Variants in LLGL1 observed in about 807,000 individuals in gnomAD.
LLGL1 encodes the protein LLGL scribble cell polarity complex component 1, also known as lethal(2) giant larvae protein homolog 1.
LLGL1 carries 58 observed loss-of-function variants against 110.6 expected under a neutral mutation model. That is an observed-to-expected ratio of 0.52 (90% CI 0.42 to 0.65). The LOEUF (loss-of-function observed/expected upper bound fraction) is 0.65. Ranked by LOEUF, LLGL1 falls within the 30% of genes least tolerant of loss-of-function variation. The probability of loss-of-function intolerance (pLI) is 0.00; values close to 1 mark genes in which losing one functional copy is unlikely to be tolerated. For missense variants in LLGL1, 1,229 were observed against 1,462.1 expected (o/e 0.84, Z 2.60); for synonymous variants, 674 against 607.2 (o/e 1.11, Z -1.62).
At position 18,240,731 on chromosome 17, in the gene LLGL1, G is replaced by A. The variant is rs1013140459; in HGVS notation, c.2360G>A (p.Arg787Gln). Residue 787 changes from arginine (R) to glutamine (Q), a missense_variant, in exon 17 of 23, where the codon CGG becomes CAG. Arg to Gln is a conservative substitution (Grantham distance 43). Coordinates refer to ENST00000316843, the MANE Select transcript of LLGL1 (RefSeq NM_004140.4). This position sits in a 1 kb window ranked among gnomAD's most constrained non-coding sequence, Gnocchi z 5.3. Reference protein sequence around the residue: ...VLGKEVQLMHRAPVVAIAVLD... With the variant: ...VLGKEVQLMHQAPVVAIAVLD... ...GGCAAGGAGGTGCAGCTGATGCACCGGGCGCCTGTGGTGGCCATTGCCGTG... is the reference window on the plus strand; with the variant it reads ...GGCAAGGAGGTGCAGCTGATGCACCAGGCGCCTGTGGTGGCCATTGCCGTG... The A allele has an allele frequency of 1.1e-5, 17 of 1,612,314 alleles. No homozygotes were observed. Among genetic ancestry groups the A allele is most frequent in the East Asian group, 4.5e-5 (2 of 44,846 alleles).
Position 18,244,774 on chromosome 17 carries a change from C to T in LLGL1, c.*868C>T, listed in dbSNP as rs572054617. On this transcript the variant is annotated 3_prime_UTR_variant, in exon 23 of 23. Coordinates refer to ENST00000316843, the MANE Select transcript of LLGL1 (RefSeq NM_004140.4). Reference sequence around the variant, plus strand: ...AAGATGAGTTTCCCTGTAGATTGTACCTTGGGGTTTTTTTCTGTCGTTTTG... The same window carrying T: ...AAGATGAGTTTCCCTGTAGATTGTATCTTGGGGTTTTTTTCTGTCGTTTTG... The T allele has an allele frequency of 9.5e-4, 176 of 185,822 alleles. No individual in the cohort carries two copies. Among genetic ancestry groups the T allele is most frequent in the Non-Finnish European group, 1.1e-3 (101 of 94,912 alleles). 11.5% of individuals were successfully genotyped at this position (185,822 alleles called of 1,614,324 possible).
rs529026034 is a variant in LLGL1, at chr17:18,239,476, C to T, written c.2206+867C>T. Among the ~76,000 whole-genome samples the T allele has an allele frequency of 1.6e-4, 24 of 152,242 alleles. No homozygotes were observed. In the South Asian group the frequency reaches 4.6e-3, roughly 29 times the overall value. The stretch of plus-strand genomic sequence containing the variant: ...GCCTGCCACCAGCCATGTGCCCCTG[C>T]GGATTCTGCCCCCCTCCTCCACATT... On this transcript the variant is annotated intron_variant, in intron 16 of 22. Coordinates refer to ENST00000316843, the MANE Select transcript of LLGL1 (RefSeq NM_004140.4).
intron 2 of LLGL1, among the ~76,000 whole-genome samples, chr17:18,232,086 C>A (rs1443618312): frequency 6.6e-6 from 1 of 152,236 alleles, no homozygotes; most frequent in Admixed American, 6.5e-5. Flanking sequence ...TGATCCCATC[C>A]GGCAAGGCGC....
chr17:18,242,465 G>A (rs766544962), intron 20 of LLGL1, 43 bp from the exon 21 acceptor site: 10 of 1,611,950 alleles, frequency 6.2e-6, no homozygotes, highest in South Asian at 2.2e-5. Flanking sequence ...GGTGCAGAGG[G>A]TGCTAAGGGT....
intron 16 of LLGL1, among the ~76,000 whole-genome samples, chr17:18,239,883 G>C (rs2047787806): frequency 6.6e-6 from 1 of 152,096 alleles, no homozygotes; most frequent in Non-Finnish European, 1.5e-5. Flanking sequence ...GGCATGTTTT[G>C]AGTTGTGCAG....
intron 2 of LLGL1, 95 bp downstream of exon 2, chr17:18,230,133 C>A: frequency 1.0e-6 from 1 of 959,662 alleles, no homozygotes; most frequent in Non-Finnish European, 1.6e-6. Context: ...GTGTCCAGCT[C>A]GAGAGGAGGA....
chr17:18,235,812 T>C, intron 11 of LLGL1: 1 of 487,464 alleles, frequency 2.1e-6, no homozygotes, highest in Non-Finnish European at 3.7e-6. Flanking sequence ...AAATCTGGGC[T>C]GGCCCACGCT....
Position 18,238,541 on chromosome 17 carries a change from G to A in LLGL1, c.2138G>A (p.Arg713His), listed in dbSNP as rs767095694. 27 of 1,612,840 alleles carry A rather than the reference G, an allele frequency of 1.7e-5. No individual in the cohort carries two copies. The highest frequency in any genetic ancestry group is 4.0e-5 in the African/African-American group (3 of 74,918). The change falls in exon 16 of 23, where the codon CGC (arginine) becomes CAC (histidine). Residue 713 changes from arginine to histidine, a missense_variant. Arg to His is a conservative substitution (Grantham distance 29). Coordinates refer to ENST00000316843, the MANE Select transcript of LLGL1 (RefSeq NM_004140.4). ...MTPVQRRIEP[R>H]SADDSLSGVV... ...CCCGTGCAGCGCCGCATTGAGCCCCGCTCTGCCGATGACTCCTTGTCGGGT... is the reference window on the plus strand; with the variant it reads ...CCCGTGCAGCGCCGCATTGAGCCCCACTCTGCCGATGACTCCTTGTCGGGT...
At chr17:18,239,891 C>T (rs751914333) in intron 16 of LLGL1, among the ~76,000 whole-genome samples, 37 of 152,074 alleles carry the variant, frequency 2.4e-4, no homozygotes, top group Non-Finnish European at 5.1e-4. Context: ...TTGAGTTGTG[C>T]AGACACTTAA....
At chr17:18,237,998 G>C in intron 14 of LLGL1, 69 bp from the exon 15 acceptor site, 1 of 1,564,880 alleles carries the variant, frequency 6.4e-7, no homozygotes, top group Middle Eastern at 1.7e-4. Context: ...GCCTCCACAG[G>C]CCAGCAGGAG....
chr17:18,237,857 G>A, intron 14 of LLGL1, 84 bp downstream of exon 14: 2 of 1,464,542 alleles, frequency 1.4e-6, no homozygotes, highest in African/African-American at 1.4e-5. Flanking sequence ...AGTGTTTGGT[G>A]TGGCAAAGGC....
rs73289904 is a variant in LLGL1 at position 18,240,187 on chromosome 17, G to T, written c.2207-391G>T. 1.9e-3 allele frequency among the ~76,000 whole-genome samples: 289 copies of T among 152,234 alleles called. No homozygotes were observed. Among genetic ancestry groups the T allele is most frequent in the African/African-American group, 6.7e-3 (277 of 41,530 alleles). On this transcript the variant is annotated intron_variant, in intron 16 of 22. Coordinates refer to ENST00000316843, the MANE Select transcript of LLGL1 (RefSeq NM_004140.4). This position sits in a 1 kb window ranked among gnomAD's most constrained non-coding sequence, Gnocchi z 5.3. ...CGCAGGGGTGGAGAGAGGAGTCGGG[G>T]TCTTGTGGGGCTTGGGGCCTGAGTG...
At chr17:18,229,587 C>G (rs543842032) in intron 1 of LLGL1, among the ~76,000 whole-genome samples, 1 of 152,172 alleles carries the variant, frequency 6.6e-6, no homozygotes, top group Non-Finnish European at 1.5e-5. Flanking sequence ...TCAGTGCCTG[C>G]ACCTCTGTGA....
rs750833588 is a variant in LLGL1, at chr17:18,241,682, A to G, written c.2734A>G (p.Ile912Val). The G allele has an allele frequency of 3.7e-6, 6 of 1,613,630 alleles. No individual in the cohort carries two copies. The Admixed American group carries it at 1.0e-4, about 27-fold the overall frequency. Residue 912 changes from isoleucine (I) to valine (V), a missense_variant, in exon 18 of 23, where the codon ATC becomes GTC. Coordinates refer to ENST00000316843, the MANE Select transcript of LLGL1 (RefSeq NM_004140.4). Reference sequence around the variant, plus strand: ...CATCCGGAAGGAGGACATCAGCGGCATCGCTTCGTGCGTCTTTACGCGCCA... The same window carrying G: ...CATCCGGAAGGAGGACATCAGCGGCGTCGCTTCGTGCGTCTTTACGCGCCA... ...SCIRKEDISG[I>V]ASCVFTRHGQ...
At chr17:18,231,023 G>A (rs1453665864) in intron 2 of LLGL1, among the ~76,000 whole-genome samples, 1 of 152,204 alleles carries the variant, frequency 6.6e-6, no homozygotes, top group Non-Finnish European at 1.5e-5. Context: ...CCACTCCTGT[G>A]GGTGCTGCGC....
At chr17:18,232,848 T>G (rs1276682561) in intron 4 of LLGL1, 46 bp downstream of exon 4, 1 of 1,610,368 alleles carries the variant, frequency 6.2e-7, no homozygotes, top group Non-Finnish European at 8.5e-7. Context: ...AGGGAGGATC[T>G]GGGGGAGGCT....
At chr17:18,232,055 G>T (rs1019660418) in intron 2 of LLGL1, among the ~76,000 whole-genome samples, 6 of 152,226 alleles carry the variant, frequency 3.9e-5, no homozygotes, top group Non-Finnish European at 7.3e-5. Flanking sequence ...TCCAGGCCTG[G>T]CCTTGCACCT....
chr17:18,242,653 G>C (rs1193004802), intron 21 of LLGL1, 25 bp downstream of exon 21: 1 of 1,589,122 alleles, frequency 6.3e-7, no homozygotes, highest in African/African-American at 1.3e-5. Flanking sequence ...CAGGTCCACA[G>C]GGGGGGCTGC....
intron 1 of LLGL1, 22 bp from the exon 2 acceptor site, chr17:18,229,919 A>G: frequency 6.4e-7 from 1 of 1,566,060 alleles, no homozygotes; most frequent in Non-Finnish European, 8.7e-7. Flanking sequence ...GCTTACCCCC[A>G]GCAGCCCTCC....
Sources: gnomAD v4.1 joint callset for allele counts (sites outside exome capture counted in the v4.1 genomes callset) on GRCh38, gnomAD v4.1.1 for gene constraint, Gnocchi (gnomAD v3.1) non-coding constraint, MANE v1.5 for transcripts, NCBI Gene and HGNC (gene_info 2026-07-23, HGNC 2026-07-21) for gene names.